The following INTS15 variants were observed in gnomAD, a reference collection of about 807,000 sequenced individuals.
INTS15 encodes integrator complex subunit 15.
chr7:6,593,337 T>C, the INTS15 span, among the ~76,000 whole-genome samples: 3 of 150,932 alleles, frequency 2.0e-5, no homozygotes, highest in Non-Finnish European at 4.4e-5. Flanking sequence ...TGGTTTTTTT[T>C]TTTTTTTTTT....
chr7:6,602,181 AGCAGGGT>A, the INTS15 span: 1 of 1,583,586 alleles, frequency 6.3e-7, no homozygotes, highest in African/African-American at 1.4e-5. Flanking sequence ...AGCTTGCTGG[AGCAGGGT>A]GGAGGGAGGC....
chr7:6,592,731 T>C, the INTS15 span, among the ~76,000 whole-genome samples: 2 of 149,936 alleles, frequency 1.3e-5, no homozygotes, highest in Non-Finnish European at 3.0e-5. Flanking sequence ...ACCTCAGCCC[T>C]CCAAGTAGCT....
chr7:6,606,684 C>T, the INTS15 span, among the ~76,000 whole-genome samples: 2 of 142,294 alleles, frequency 1.4e-5, no homozygotes, highest in African/African-American at 2.5e-5. Flanking sequence ...CTGGGAAGGG[C>T]CCCAGAGGGC....
chr7:6,607,928 G>T, the INTS15 span: 4 of 1,596,100 alleles, frequency 2.5e-6, no homozygotes, highest in African/African-American at 4.0e-5. The surrounding 1 kb of genome is among the most constrained non-coding windows in gnomAD (Gnocchi z 6.0). Flanking sequence ...CCCGGAGCCC[G>T]CCCGCGCTGA....
At chr7:6,604,863 G>A in the INTS15 span, among the ~76,000 whole-genome samples, 3 of 152,164 alleles carry the variant, frequency 2.0e-5, no homozygotes, top group Non-Finnish European at 2.9e-5. Flanking sequence ...CTGAGGGGGC[G>A]GAAGGGAACA....
At chr7:6,598,071 G>A in the INTS15 span, among the ~76,000 whole-genome samples, 1 of 152,314 alleles carries the variant, frequency 6.6e-6, no homozygotes, top group African/African-American at 2.4e-5. Flanking sequence ...ATTTTCTACA[G>A]GCTGGTAGAG....
chr7:6,607,592 A>C, the INTS15 span: 1 of 1,362,578 alleles, frequency 7.3e-7, no homozygotes, highest in Non-Finnish European at 9.7e-7. The surrounding 1 kb of genome is among the most constrained non-coding windows in gnomAD (Gnocchi z 6.0). Context: ...TCTGCTTGGA[A>C]TTCAGGTAGG....
the INTS15 span, chr7:6,591,811 A>T: frequency 1.2e-6 from 2 of 1,614,092 alleles, no homozygotes; most frequent in Non-Finnish European, 1.7e-6. Flanking sequence ...ACTGGTCTCC[A>T]TGGCGGTGGC....
At chr7:6,594,606 C>T in the INTS15 span, 4 of 1,613,616 alleles carry the variant, frequency 2.5e-6, no homozygotes, top group African/African-American at 2.7e-5. Flanking sequence ...ATCAGGTAAA[C>T]TTTAAACAGG....
At chr7:6,591,383 A>G in the INTS15 span, among the ~76,000 whole-genome samples, 1 of 150,258 alleles carries the variant, frequency 6.7e-6, no homozygotes, top group African/African-American at 2.5e-5. Flanking sequence ...ATTCCTGCCT[A>G]AGCCTCCCGA....
At chr7:6,591,700 CAGG>C in the INTS15 span, 5 of 1,614,090 alleles carry the variant, frequency 3.1e-6, no homozygotes, top group Non-Finnish European at 4.2e-6. Flanking sequence ...CAATTATTTC[CAGG>C]AGCAAACCAA....
At chr7:6,608,231 C>T in the INTS15 span, 74 of 1,523,994 alleles carry the variant, frequency 4.9e-5, no homozygotes, top group African/African-American at 8.4e-4. Flanking sequence ...TGGCCGGACT[C>T]CCAGAAGAGA....
chr7:6,607,540 T>A, the INTS15 span: 2 of 1,318,694 alleles, frequency 1.5e-6, no homozygotes, highest in Non-Finnish European at 2.0e-6. This position sits in a 1 kb window ranked among gnomAD's most constrained non-coding sequence, Gnocchi z 6.0. Context: ...ATTTCAGGAC[T>A]CTGAATTTCG....
At chr7:6,596,452 C>G in the INTS15 span, among the ~76,000 whole-genome samples, 2 of 143,914 alleles carry the variant, frequency 1.4e-5, no homozygotes, top group Non-Finnish European at 3.0e-5. Context: ...GATCTTGGCT[C>G]ACCACAACCT....
chr7:6,593,732 T>C, the INTS15 span, among the ~76,000 whole-genome samples: 1 of 148,918 alleles, frequency 6.7e-6, no homozygotes, highest in Admixed American at 6.8e-5. Flanking sequence ...CACTGCAGAC[T>C]CAACCTTCCT....
the INTS15 span, chr7:6,594,729 A>G: frequency 2.3e-6 from 2 of 877,880 alleles, no homozygotes; most frequent in African/African-American, 3.4e-5. Context: ...GTATATTTTT[A>G]TTTTTATTAT....
chr7:6,590,455 G>A, the INTS15 span: 3 of 1,595,014 alleles, frequency 1.9e-6, no homozygotes, highest in South Asian at 1.1e-5. Context: ...GGTGCCCAAG[G>A]AGCGCAGCGC....
chr7:6,594,545 G>A, the INTS15 span: 14 of 1,613,988 alleles, frequency 8.7e-6, no homozygotes, highest in East Asian at 6.7e-5. Context: ...GTGCCAGCCC[G>A]AGATTCTGCT....
the INTS15 span, among the ~76,000 whole-genome samples, chr7:6,597,772 A>G: frequency 1.3e-5 from 2 of 152,166 alleles, no homozygotes; most frequent in South Asian, 4.1e-4. Context: ...GATGTTGGTG[A>G]TTTCTCAAGT....
Sources: allele counts gnomAD v4.1 joint callset (sites outside exome capture counted in the v4.1 genomes callset), GRCh38; gene constraint gnomAD v4.1.1; non-coding constraint Gnocchi (gnomAD v3.1); transcripts MANE v1.5; gene names NCBI Gene and HGNC (gene_info 2026-07-23, HGNC 2026-07-21).